The following LRFN5 variants were observed in gnomAD, a reference collection of about 807,000 sequenced individuals.
The protein encoded by LRFN5 is leucine-rich repeat and fibronectin type-III domain-containing protein 5.
LRFN5 carries 24 observed loss-of-function variants against 45.6 expected under a neutral mutation model. That is an observed-to-expected ratio of 0.53 (90% CI 0.38 to 0.74). The LOEUF is 0.74. Among genes scored for constraint, LRFN5 ranks in the 30% least tolerant of loss-of-function variants. The pLI is 0.00. For synonymous variants in LRFN5, 340 were observed against 313.8 expected, an observed-to-expected ratio of 1.08 and a Z score of -0.88; for missense variants, 776 against 861.5, an observed-to-expected ratio of 0.90 and a Z score of 1.24.
chr14:41,849,281 GAGA>G (rs1173309369), intron 2 of LRFN5, among the ~76,000 whole-genome samples: 4 of 151,758 alleles, frequency 2.6e-5, no homozygotes, highest in African/African-American at 9.7e-5. Flanking sequence ...CTCTACTTTT[GAGA>G]AGAAGATCTT....
At chr14:41,819,760 A>T (rs1888047349) in intron 2 of LRFN5, among the ~76,000 whole-genome samples, 1 of 152,086 alleles carries the variant, frequency 6.6e-6, no homozygotes, top group South Asian at 2.1e-4. Flanking sequence ...GATGGTGTTA[A>T]ACCAGGAGAG....
rs545479035 is a variant in LRFN5 at position 41,650,319 on chromosome 14, C to G, written c.-197+41757C>G. 1.7e-3 allele frequency among the ~76,000 whole-genome samples: 260 copies of G among 148,688 alleles called. 1 individual carries two copies. The highest frequency in any genetic ancestry group is 3.0e-3 in the Non-Finnish European group (202 of 67,338). ...GATGAGAGATAGAGGTTTAATTTACCTATAATATTAATATAAATTGCCAAT... is the reference window on the plus strand; with the variant it reads ...GATGAGAGATAGAGGTTTAATTTACGTATAATATTAATATAAATTGCCAAT... On this transcript the variant is annotated intron_variant, in intron 1 of 5. Coordinates refer to ENST00000298119, the MANE Select transcript of LRFN5 (RefSeq NM_152447.5).
chr14:41,841,009 T>C (rs1166975209), intron 2 of LRFN5, among the ~76,000 whole-genome samples: 4 of 152,038 alleles, frequency 2.6e-5, no homozygotes, highest in Non-Finnish European at 5.9e-5. Flanking sequence ...AATGTTACTA[T>C]TCAAGAGATC....
chr14:41,629,017 C>A (rs1190233379), intron 1 of LRFN5, among the ~76,000 whole-genome samples: 1 of 152,082 alleles, frequency 6.6e-6, no homozygotes, highest in Admixed American at 6.6e-5. Context: ...AGATTCATCA[C>A]CAGCTGCTTT....
chr14:41,739,956 A>AATT (rs56843827), intron 1 of LRFN5, among the ~76,000 whole-genome samples: 25,092 of 151,852 alleles, frequency 0.17, 2,151 homozygotes, highest in Admixed American at 0.19. Flanking sequence ...AGAAAAAATA[A>AATT]AATTCCTAGA....
chr14:41,710,151 T>C (rs949540679), intron 1 of LRFN5, among the ~76,000 whole-genome samples: 20 of 152,168 alleles, frequency 1.3e-4, no homozygotes, highest in African/African-American at 3.6e-4. Flanking sequence ...CAGGCAAAAC[T>C]TTTAAAGCAA....
Position 41,808,347 on chromosome 14 carries a change from G to C in LRFN5, c.-21+41318G>C, listed in dbSNP as rs187773874. Among the ~76,000 whole-genome samples the C allele has an allele frequency of 2.0e-5, 2 of 98,560 alleles. 1 individual carries two copies. The highest frequency in any genetic ancestry group is 2.1e-4 in the Admixed American group (2 of 9,408). The allele number at this position is 98,560 out of a possible 152,430, so 64.7% of individuals were successfully genotyped here. On this transcript the variant is annotated intron_variant, in intron 2 of 5. Coordinates refer to ENST00000298119, the MANE Select transcript of LRFN5 (RefSeq NM_152447.5). Reference sequence around the variant, plus strand: ...GGAGGGAGGAAGGAAGGAAGGGAGGGATGAAGGAAGGAAGGAAGGAAGGAA... The same window carrying C: ...GGAGGGAGGAAGGAAGGAAGGGAGGCATGAAGGAAGGAAGGAAGGAAGGAA...
At chr14:41,787,440 C>A (rs956236340) in intron 2 of LRFN5, among the ~76,000 whole-genome samples, 1 of 151,930 alleles carries the variant, frequency 6.6e-6, no homozygotes, top group African/African-American at 2.4e-5. Context: ...CTCATTGCTA[C>A]TCTTTTTTTA....
At chr14:41,889,220 G>T (rs1490976382) in intron 3 of LRFN5, among the ~76,000 whole-genome samples, 1 of 151,094 alleles carries the variant, frequency 6.6e-6, no homozygotes, top group Non-Finnish European at 1.5e-5. Flanking sequence ...TTCCTGTATG[G>T]AAATGAGAGT....
chr14:41,854,508 G>T (rs1333131734), intron 2 of LRFN5, among the ~76,000 whole-genome samples: 2 of 151,770 alleles, frequency 1.3e-5, no homozygotes, highest in African/African-American at 4.8e-5. Context: ...CTTAAAAAAA[G>T]AAAAGAAAAA....
intron 2 of LRFN5, among the ~76,000 whole-genome samples, chr14:41,781,152 C>T (rs1886467711): frequency 6.6e-6 from 1 of 152,032 alleles, no homozygotes; most frequent in East Asian, 1.9e-4. Flanking sequence ...AATTGAAGTT[C>T]TGACTTACTA....
chr14:41,882,898 G>T (rs1429339276), intron 2 of LRFN5, among the ~76,000 whole-genome samples: 1 of 140,574 alleles, frequency 7.1e-6, no homozygotes, highest in African/African-American at 2.6e-5. Flanking sequence ...ACCCAGGCTG[G>T]AGTGTAATGG....
intron 1 of LRFN5, among the ~76,000 whole-genome samples, chr14:41,752,472 T>C (rs1885177983): frequency 6.6e-6 from 1 of 152,234 alleles, no homozygotes; most frequent in South Asian, 2.1e-4. Flanking sequence ...TGGTGTGAGA[T>C]GATATCTCAT....
intron 2 of LRFN5, among the ~76,000 whole-genome samples, chr14:41,847,158 T>C (rs17181755): frequency 0.34 from 51,215 of 151,778 alleles, 9,699 homozygotes; most frequent in Non-Finnish European, 0.43. Flanking sequence ...AGAGCCTTCA[T>C]TGGGGCCCAC....
intron 2 of LRFN5, among the ~76,000 whole-genome samples, chr14:41,877,437 C>T (rs1232169527): frequency 1.3e-5 from 2 of 152,094 alleles, no homozygotes; most frequent in Non-Finnish European, 1.5e-5. Flanking sequence ...AAGGCATGAT[C>T]ATGACAAATT....
chr14:41,614,356 A>C (rs1887863125), intron 1 of LRFN5, among the ~76,000 whole-genome samples: 1 of 152,088 alleles, frequency 6.6e-6, no homozygotes. Context: ...CCTAACTTTA[A>C]GTGAAAAGTT....
intron 1 of LRFN5, among the ~76,000 whole-genome samples, chr14:41,660,139 C>A (rs536552379): frequency 3.3e-5 from 5 of 152,052 alleles, no homozygotes; most frequent in Non-Finnish European, 7.4e-5. Context: ...GATTCTTCTG[C>A]CCCAGCCTCC....
chr14:41,668,897 TA>T (rs927103111), intron 1 of LRFN5, among the ~76,000 whole-genome samples: 2 of 152,232 alleles, frequency 1.3e-5, no homozygotes, highest in Admixed American at 1.3e-4. Context: ...TTTATTCTTC[TA>T]AAAATTCGAT....
chr14:41,811,158 C>T (rs965772943), intron 2 of LRFN5, among the ~76,000 whole-genome samples: 10 of 151,944 alleles, frequency 6.6e-5, no homozygotes, highest in Non-Finnish European at 1.2e-4. Flanking sequence ...AGTCAATAAG[C>T]ATATGAAATG....
Sources: gnomAD v4.1 joint callset for allele counts (sites outside exome capture counted in the v4.1 genomes callset) on GRCh38, gnomAD v4.1.1 for gene constraint, MANE v1.5 for transcripts, NCBI Gene and HGNC (gene_info 2026-07-23, HGNC 2026-07-21) for gene names.